DAPK2: variants seen among roughly 807,000 people sequenced by gnomAD.
DAPK2 encodes the protein death-associated protein kinase 2.
In DAPK2, 35 loss-of-function variants were observed where a neutral mutation model predicts 44.1. The ratio of observed to expected loss-of-function variants is 0.79; its 90% CI spans 0.61 to 1.05. DAPK2 has a LOEUF of 1.05. Ranked by LOEUF, DAPK2 falls within the 50% of genes least tolerant of loss-of-function variation. The probability of loss-of-function intolerance (pLI) is 0.00; values close to 1 mark genes in which losing one functional copy is unlikely to be tolerated. For synonymous variants in DAPK2, 174 were observed against 182.6 expected (o/e 0.95, Z 0.38); for missense variants, 453 against 483.2 (o/e 0.94, Z 0.59).
chr15:64,042,383 T>C (rs956920732), upstream of DAPK2, among the ~76,000 whole-genome samples: 2 of 152,018 alleles, frequency 1.3e-5, no homozygotes, highest in East Asian at 3.9e-4. This position sits in a 1 kb window ranked among gnomAD's most constrained non-coding sequence, Gnocchi z 4.7. Context: ...AATAAACAAT[T>C]TGGGTCAGGT....
At chr15:63,989,977 C>A (rs963994451) in intron 1 of DAPK2, among the ~76,000 whole-genome samples, 9 of 152,162 alleles carry the variant, frequency 5.9e-5, no homozygotes, top group African/African-American at 2.2e-4. Context: ...CAGACATGAG[C>A]CACTGCGTCA....
intron 3 of DAPK2, among the ~76,000 whole-genome samples, chr15:63,957,691 A>C (rs898197920): frequency 6.6e-6 from 1 of 151,902 alleles, no homozygotes; most frequent in Non-Finnish European, 1.5e-5. Context: ...TGAACTCATC[A>C]TTTTTTATGG....
At position 63,942,558 on chromosome 15, in the gene DAPK2, A is replaced by T. The variant is rs573468566; in HGVS notation, c.454-3197T>A. On this transcript the variant is annotated intron_variant, in intron 3 of 10. Transcript: ENST00000261891. ...CAAAGTGAGACTCCATCTCAAAAAAACAACAACAAAAAAAACAAAAATAAA... is the reference window on the plus strand; with the variant it reads ...CAAAGTGAGACTCCATCTCAAAAAATCAACAACAAAAAAAACAAAAATAAA... Among the ~76,000 whole-genome samples, 8 of 151,818 alleles carry T rather than the reference A, an allele frequency of 5.3e-5. No individual in the cohort carries two copies. In the East Asian group the frequency reaches 1.6e-3, roughly 30 times the overall value.
At chr15:64,031,872 T>C (rs2141149066) in intron 1 of DAPK2, among the ~76,000 whole-genome samples, 1 of 152,338 alleles carries the variant, frequency 6.6e-6, no homozygotes, top group African/African-American at 2.4e-5. Flanking sequence ...GTATGTCCGG[T>C]AAATGGAAGT....
intron 1 of DAPK2, among the ~76,000 whole-genome samples, chr15:64,019,965 A>G (rs1380839): frequency 0.31 from 47,109 of 152,084 alleles, 9,506 homozygotes; most frequent in Non-Finnish European, 0.45. Flanking sequence ...TTTACTAGCC[A>G]TGTTGCTAAA....
At chr15:63,965,729 C>T (rs2078036975) in intron 3 of DAPK2, among the ~76,000 whole-genome samples, 1 of 152,220 alleles carries the variant, frequency 6.6e-6, no homozygotes, top group African/African-American at 2.4e-5. Context: ...CCCCATGGCC[C>T]CCACTGCCCC....
At chr15:64,016,830 AGGAAGGAG>A (rs2079540451) in intron 1 of DAPK2, among the ~76,000 whole-genome samples, 1 of 103,384 alleles carries the variant, frequency 9.7e-6, no homozygotes, top group African/African-American at 3.8e-5. Context: ...AGGGGAAGGA[AGGAAGGAG>A]GGAAGGAAGG....
chr15:64,032,301 G>A (rs543854301), intron 1 of DAPK2, among the ~76,000 whole-genome samples: 2 of 152,310 alleles, frequency 1.3e-5, no homozygotes, highest in African/African-American at 4.8e-5. Context: ...CAGAGTCACC[G>A]TGTTTGATCT....
chr15:63,927,671 C>T (rs1341994573), intron 6 of DAPK2, among the ~76,000 whole-genome samples: 1 of 152,154 alleles, frequency 6.6e-6, no homozygotes, highest in Non-Finnish European at 1.5e-5. Context: ...TGCCATGGAG[C>T]AGACCTCAAC....
intron 1 of DAPK2, among the ~76,000 whole-genome samples, chr15:64,033,414 C>T (rs1457310693): frequency 3.3e-5 from 5 of 152,000 alleles, no homozygotes; most frequent in East Asian, 2.0e-4. Flanking sequence ...GCATGATCCA[C>T]GGCACCTGGC....
Position 63,916,772 on chromosome 15 carries a change from G to A in DAPK2, c.859-4575C>T, listed in dbSNP as rs1440659798. 6.6e-6 allele frequency: 1 copy of A among 152,218 alleles called. No homozygotes were observed. Among genetic ancestry groups the A allele is most frequent in the Non-Finnish European group, 1.5e-5 (1 of 68,044 alleles). 9.4% of individuals were successfully genotyped at this position (152,218 alleles called of 1,614,324 possible). Reference sequence around the variant, plus strand: ...ACATTTCTGAGTTAGGTCTTGACATGGATACGCTCTGTTTTTTATTCTTCT... The same window carrying A: ...ACATTTCTGAGTTAGGTCTTGACATAGATACGCTCTGTTTTTTATTCTTCT... On this transcript the variant is annotated intron_variant, in intron 8 of 10. Coordinates refer to ENST00000261891, the Ensembl canonical transcript of DAPK2. The surrounding 1 kb of genome is among the most constrained non-coding windows in gnomAD (Gnocchi z 4.7).
At chr15:64,040,104 A>T in intron 1 of DAPK2, 66 bp downstream of exon 2, 2 of 1,296,366 alleles carry the variant, frequency 1.5e-6, no homozygotes, top group African/African-American at 2.9e-5. Flanking sequence ...CCAACTGACA[A>T]CTGTGCCAGA....
At chr15:64,022,740 G>A (rs1288236930) in intron 1 of DAPK2, among the ~76,000 whole-genome samples, 7 of 152,158 alleles carry the variant, frequency 4.6e-5, no homozygotes, top group African/African-American at 7.2e-5. Flanking sequence ...GATCTCTTGC[G>A]CCCAGGAGGC....
chr15:64,033,514 G>A (rs887209668), intron 1 of DAPK2, among the ~76,000 whole-genome samples: 7 of 152,194 alleles, frequency 4.6e-5, no homozygotes, highest in Admixed American at 2.6e-4. Flanking sequence ...AACAGATTTC[G>A]TTAAGTGAGA....
At chr15:63,947,964 C>T (rs1324509486) in intron 3 of DAPK2, among the ~76,000 whole-genome samples, 2 of 152,056 alleles carry the variant, frequency 1.3e-5, no homozygotes, top group African/African-American at 2.4e-5. Flanking sequence ...AGTCCATTCT[C>T]GAATTGCTGT....
At chr15:63,965,613 G>A (rs2078033768) in intron 3 of DAPK2, among the ~76,000 whole-genome samples, 1 of 152,176 alleles carries the variant, frequency 6.6e-6, no homozygotes, top group African/African-American at 2.4e-5. Flanking sequence ...GGAAACCTTG[G>A]GAATCTACCT....
rs1444200220 is a variant in DAPK2 at position 63,990,446 on chromosome 15, T to C, written c.93-6692A>G. On this transcript the variant is annotated intron_variant, in intron 1 of 10. Transcript: ENST00000261891. The surrounding 1 kb of genome is among the most constrained non-coding windows in gnomAD (Gnocchi z 4.3). ...CCATCTAGAAAAAGAAAAAGAAAGGTCCATGGATTGAGTGGGTCTACCTCA... is the reference window on the plus strand; with the variant it reads ...CCATCTAGAAAAAGAAAAAGAAAGGCCCATGGATTGAGTGGGTCTACCTCA... Among the ~76,000 whole-genome samples the C allele has an allele frequency of 4.0e-5, 2 of 49,970 alleles. No homozygotes were observed. Among genetic ancestry groups the C allele is most frequent in the Non-Finnish European group, 9.9e-5 (2 of 20,166 alleles). The allele number at this position is 49,970 out of a possible 152,430, so 32.8% of individuals were successfully genotyped here.
chr15:63,924,580 G>A, intron 8 of DAPK2: 1 of 513,102 alleles, frequency 1.9e-6, no homozygotes, highest in Middle Eastern at 5.2e-4. Flanking sequence ...GGTTTGTGAG[G>A]GTTTCATTTC....
chr15:63,944,634 C>A (rs1256850256), intron 3 of DAPK2, among the ~76,000 whole-genome samples: 2 of 152,246 alleles, frequency 1.3e-5, no homozygotes, highest in Non-Finnish European at 2.9e-5. Context: ...ACGGGGCTCA[C>A]ACAGGGCTAA....
Sources: gnomAD v4.1 joint callset for allele counts (sites outside exome capture counted in the v4.1 genomes callset) on GRCh38, gnomAD v4.1.1 for gene constraint, Gnocchi (gnomAD v3.1) non-coding constraint, MANE v1.5 for transcripts, NCBI Gene and HGNC (gene_info 2026-07-23, HGNC 2026-07-21) for gene names.